The following CDH7 variants were observed in gnomAD, a reference collection of about 807,000 sequenced individuals.
CDH7 encodes cadherin 7.
In CDH7, 25 loss-of-function variants were observed where a neutral mutation model predicts 71.8. The observed-to-expected ratio is 0.35, with a 90% CI of 0.25 to 0.49. The LOEUF (loss-of-function observed/expected upper bound fraction) is 0.49. Ranked by LOEUF, CDH7 falls within the 20% of genes least tolerant of loss-of-function variation. The pLI is 0.99. For synonymous variants in CDH7, 381 were observed against 363.8 expected, an observed-to-expected ratio of 1.05 and a Z score of -0.54; for missense variants, 862 against 974.6, an observed-to-expected ratio of 0.88 and a Z score of 1.54.
At chr18:65,853,287 A>G (rs1366768994) in intron 7 of CDH7, among the ~76,000 whole-genome samples, 2 of 152,144 alleles carry the variant, frequency 1.3e-5, no homozygotes, top group African/African-American at 2.4e-5. Context: ...TTCAGCCTCC[A>G]ATTAACTCAG....
At chr18:65,841,975 C>T (rs1912749774) in intron 6 of CDH7, among the ~76,000 whole-genome samples, 1 of 152,110 alleles carries the variant, frequency 6.6e-6, no homozygotes, top group Non-Finnish European at 1.5e-5. Flanking sequence ...TGTGTCCCAA[C>T]ATTTTTATGT....
intron 7 of CDH7, among the ~76,000 whole-genome samples, 200 bp from the exon 8 acceptor site, chr18:65,857,616 A>G (rs2144027727): frequency 6.6e-6 from 1 of 152,266 alleles, no homozygotes; most frequent in Non-Finnish European, 1.5e-5. Context: ...AGAAAAGCAA[A>G]CATATTAGTG....
chr18:65,771,319 CAAGTAG>C (rs1323091042), intron 2 of CDH7, among the ~76,000 whole-genome samples: 1 of 151,786 alleles, frequency 6.6e-6, no homozygotes, highest in Non-Finnish European at 1.5e-5. Flanking sequence ...TTAGTTTTAA[CAAGTAG>C]AAGTTTACAT....
At chr18:65,807,692 T>A (rs1911374802) in intron 2 of CDH7, among the ~76,000 whole-genome samples, 1 of 152,252 alleles carries the variant, frequency 6.6e-6, no homozygotes, top group African/African-American at 2.4e-5. Context: ...CTTATTTTCA[T>A]CCATCATCTG....
intron 11 of CDH7, among the ~76,000 whole-genome samples, chr18:65,871,479 A>G (rs1461447856): frequency 6.6e-6 from 1 of 152,188 alleles, no homozygotes; most frequent in African/African-American, 2.4e-5. Flanking sequence ...GGCAGGAGCC[A>G]TGGGCTGAGG....
At chr18:65,776,361 A>AAC (rs66695422) in intron 2 of CDH7, among the ~76,000 whole-genome samples, 8,077 of 139,620 alleles carry the variant, frequency 0.058, 223 homozygotes, top group Admixed American at 0.1. Context: ...GAAAGTACAG[A>AAC]ACACACACAC....
intron 6 of CDH7, among the ~76,000 whole-genome samples, chr18:65,842,939 G>A (rs1912790319): frequency 6.6e-6 from 1 of 151,608 alleles, no homozygotes; most frequent in African/African-American, 2.4e-5. Context: ...TGGTAAGACT[G>A]AAATTGAAAG....
At chr18:65,813,613 A>T (rs1911620762) in intron 3 of CDH7, among the ~76,000 whole-genome samples, 1 of 152,060 alleles carries the variant, frequency 6.6e-6, no homozygotes, top group South Asian at 2.1e-4. Context: ...CACATAAAGA[A>T]AGGGGCTTGT....
chr18:65,772,648 A>T (rs1178017199), intron 2 of CDH7, among the ~76,000 whole-genome samples: 1 of 152,222 alleles, frequency 6.6e-6, no homozygotes, highest in South Asian at 2.1e-4. Context: ...AGAGTCTGTA[A>T]TATGGTATAA....
At position 65,791,364 on chromosome 18, in the gene CDH7, C is replaced by T. The variant is rs996507581; in HGVS notation, c.211-18340C>T. On this transcript the variant is annotated intron_variant, in intron 2 of 11. Transcript: ENST00000397968. ...CTATGTGATGTTCTTAATCCAGTAG[C>T]GCTAACATAATTCCCTTTATTTAAT... Among the ~76,000 whole-genome samples the T allele has an allele frequency of 5.3e-5, 8 of 152,248 alleles. No homozygotes were observed. The South Asian group carries it at 8.3e-4, about 16-fold the overall frequency.
intron 4 of CDH7, among the ~76,000 whole-genome samples, chr18:65,821,131 AC>A (rs796843088): frequency 0.07 from 2,140 of 30,482 alleles, 40 homozygotes; most frequent in African/African-American, 0.097. Flanking sequence ...AAACAAACAA[AC>A]AAAAAAAAAA....
rs1298995423 is a variant in CDH7, at chr18:65,881,985, A to G, written c.*1091A>G. Reference sequence around the variant, plus strand: ...TAGAAAGACTTCAGAGAGAATTGAGATTTTCTTTGATGCAAGAATTATTTT... The same window carrying G: ...TAGAAAGACTTCAGAGAGAATTGAGGTTTTCTTTGATGCAAGAATTATTTT... On this transcript the variant is annotated 3_prime_UTR_variant, in exon 12 of 12. Transcript: ENST00000397968. 1.3e-5 allele frequency: 2 copies of G among 152,170 alleles called. No individual in the cohort carries two copies. The highest frequency in any genetic ancestry group is 2.9e-5 in the Non-Finnish European group (2 of 68,018). The allele number at this position is 152,170 out of a possible 1,614,324, so 9.4% of individuals were successfully genotyped here.
At chr18:65,796,262 T>C (rs1226831553) in intron 2 of CDH7, among the ~76,000 whole-genome samples, 1 of 152,104 alleles carries the variant, frequency 6.6e-6, no homozygotes, top group African/African-American at 2.4e-5. Context: ...AATAACCCAA[T>C]GTCCTTTTTT....
intron 6 of CDH7, among the ~76,000 whole-genome samples, chr18:65,836,775 A>G (rs550028723): frequency 6.6e-6 from 1 of 152,124 alleles, no homozygotes; most frequent in Non-Finnish European, 1.5e-5. Context: ...ATTTGCTTAC[A>G]CTTATTTTAC....
intron 2 of CDH7, among the ~76,000 whole-genome samples, chr18:65,763,553 A>G (rs1291608828): frequency 2.6e-5 from 4 of 151,658 alleles, no homozygotes; most frequent in African/African-American, 7.3e-5. Flanking sequence ...ATTATGAACA[A>G]TTTAAACCCA....
Position 65,859,739 on chromosome 18 carries a change from A to T in CDH7, c.1526A>T (p.Asp509Val). 6.2e-7 allele frequency: 1 copy of T among 1,610,454 alleles called. No homozygotes were observed. Among genetic ancestry groups the T allele is most frequent in the Non-Finnish European group, 8.5e-7 (1 of 1,176,776 alleles). The change falls in exon 10 of 12, where the codon GAT becomes GTT. Residue 509 changes from aspartate (D) to valine (V), a missense_variant. Transcript: ENST00000397968. Reference protein sequence around the residue: ...VIQKISAVDKDEPSNGHQFYF... With the variant: ...VIQKISAVDKVEPSNGHQFYF... ...CAGAAAATCAGTGCTGTGGATAAAG[A>T]TGAGCCATCCAATGGACACCAGTTT...
At chr18:65,822,280 A>G (rs1432898575) in intron 5 of CDH7, 32 bp downstream of exon 5, 22 of 1,565,412 alleles carry the variant, frequency 1.4e-5, no homozygotes, top group African/African-American at 2.7e-5. Context: ...CACAAGTGCA[A>G]TAACTTTCCC....
intron 7 of CDH7, 109 bp downstream of exon 7, chr18:65,844,174 G>GATATGTATATATATAT (rs1912849593): frequency 4.5e-6 from 1 of 222,152 alleles, no homozygotes; most frequent in African/African-American, 3.1e-5. Flanking sequence ...ATAAAAACCA[G>GATATGTATATATATAT]ATATATATAT....
At chr18:65,857,345 A>G (rs1913399318) in intron 7 of CDH7, among the ~76,000 whole-genome samples, 1 of 146,262 alleles carries the variant, frequency 6.8e-6, no homozygotes, top group South Asian at 2.2e-4. Flanking sequence ...AATAATAATA[A>G]TAATAATAAT....
Sources: allele counts gnomAD v4.1 joint callset (sites outside exome capture counted in the v4.1 genomes callset), GRCh38; gene constraint gnomAD v4.1.1; transcripts MANE v1.5; gene names NCBI Gene and HGNC (gene_info 2026-07-23, HGNC 2026-07-21).